Variants in KCNQ4 observed in about 807,000 individuals in gnomAD.
KCNQ4 encodes the protein potassium voltage-gated channel subfamily Q member 4, also known as potassium voltage-gated channel subfamily KQT member 4.
KCNQ4 carries 31 observed loss-of-function variants against 72.6 expected under a neutral mutation model. That is an observed-to-expected ratio of 0.43 (90% CI 0.32 to 0.58). The LOEUF (loss-of-function observed/expected upper bound fraction) is 0.58, where lower values mean the gene tolerates loss of function less well. KCNQ4 is among the 20% of genes least tolerant of loss of function. The probability of loss-of-function intolerance (pLI) is 0.08; values close to 1 mark genes in which losing one functional copy is unlikely to be tolerated. For synonymous variants in KCNQ4, 405 were observed against 403.7 expected (o/e 1.00, Z -0.04); for missense variants, 869 against 962.6 (o/e 0.90, Z 1.29).
chr1:40,837,633 C>G (rs748758931), intron 12 of KCNQ4, 32 bp from the exon 13 acceptor site: 2 of 1,605,736 alleles, frequency 1.2e-6, no homozygotes, highest in East Asian at 2.2e-5. Flanking sequence ...ACGGCGTGTC[C>G]CCGGGCCCTC....
Position 40,818,733 on chromosome 1 carries a change from C to T in KCNQ4, c.708+53C>T, listed in dbSNP as rs1199077376. The T allele has an allele frequency of 7.8e-6, 12 of 1,536,990 alleles. No individual in the cohort carries two copies. In the South Asian group the frequency reaches 9.4e-5, roughly 12 times the overall value. ...CCCGAGGGCGTGTCTGGGGCACGAC[C>T]AGAGCGGGCAGGGCGGAGAGGGCGA... On this transcript the variant is annotated intron_variant, in intron 4 of 13. Transcript: ENST00000347132.
rs1647346226 is a variant in KCNQ4 at position 40,794,257 on chromosome 1, G to C, written c.314+9850G>C. ...AGGGCCTTGATTGACAGGCTGTGGAGGTGGGCCTTACCCTGTGGGCAGTGG... is the reference window on the plus strand; with the variant it reads ...AGGGCCTTGATTGACAGGCTGTGGACGTGGGCCTTACCCTGTGGGCAGTGG... On this transcript the variant is annotated intron_variant, in intron 1 of 13. Coordinates refer to ENST00000347132, the MANE Select transcript of KCNQ4 (RefSeq NM_004700.4). The surrounding 1 kb of genome is among the most constrained non-coding windows in gnomAD (Gnocchi z 4.2). 6.6e-6 allele frequency among the ~76,000 whole-genome samples: 1 copy of C among 152,226 alleles called. No individual in the cohort carries two copies. The highest frequency in any genetic ancestry group is 1.5e-5 in the Non-Finnish European group (1 of 68,040).
intron 9 of KCNQ4, chr1:40,826,752 G>T: frequency 4.6e-6 from 2 of 435,644 alleles, no homozygotes; most frequent in South Asian, 3.2e-5. Flanking sequence ...CAATTTGGGG[G>T]CTGGAGAGGG....
At chr1:40,813,933 G>C (rs1475231816) in intron 1 of KCNQ4, among the ~76,000 whole-genome samples, 1 of 151,326 alleles carries the variant, frequency 6.6e-6, no homozygotes, top group Non-Finnish European at 1.5e-5. Flanking sequence ...ATTTTTAATA[G>C]AGACAGGGTT....
intron 12 of KCNQ4, among the ~76,000 whole-genome samples, chr1:40,837,145 T>G (rs1570856015): frequency 6.6e-6 from 1 of 151,492 alleles, no homozygotes; most frequent in South Asian, 2.1e-4. Context: ...TGGAGTGCAG[T>G]GGTGCAATCA....
intron 9 of KCNQ4, among the ~76,000 whole-genome samples, chr1:40,830,305 G>C (rs1254919938): frequency 6.6e-6 from 1 of 152,162 alleles, no homozygotes; most frequent in African/African-American, 2.4e-5. Context: ...CTAGAACCAT[G>C]GGGCCGAGGC....
In KCNQ4 at chr1:40,784,547, C is replaced by T. The variant is rs575644188; in HGVS notation, c.314+140C>T. 8.5e-6 allele frequency: 7 copies of T among 819,070 alleles called. No individual in the cohort carries two copies. Among genetic ancestry groups the T allele is most frequent in the African/African-American group, 5.0e-5 (3 of 59,462 alleles). 50.7% of individuals were successfully genotyped at this position (819,070 alleles called of 1,614,324 possible). On this transcript the variant is annotated intron_variant, in intron 1 of 13. Coordinates refer to ENST00000347132, the MANE Select transcript of KCNQ4 (RefSeq NM_004700.4). This position sits in a 1 kb window ranked among gnomAD's most constrained non-coding sequence, Gnocchi z 4.1. ...ATCTCTCTCCCCCCAGGCCTAAGCCCGGTTTCTGATCCCCTCGCTGAGCCC... is the reference window on the plus strand; with the variant it reads ...ATCTCTCTCCCCCCAGGCCTAAGCCTGGTTTCTGATCCCCTCGCTGAGCCC...
intron 9 of KCNQ4, chr1:40,826,557 C>T (rs1648483324): frequency 4.8e-6 from 2 of 418,802 alleles, no homozygotes; most frequent in Non-Finnish European, 1.0e-5. Flanking sequence ...GGAGGCCGGC[C>T]CCATCCCAGC....
At chr1:40,820,055 G>GC in intron 6 of KCNQ4, 70 bp downstream of exon 6, 1 of 1,521,596 alleles carries the variant, frequency 6.6e-7, no homozygotes. Context: ...TCACACATTT[G>GC]CCTGGGGAGC....
At chr1:40,832,972 G>T in intron 10 of KCNQ4, 42 bp from the exon 11 acceptor site, 3 of 1,439,926 alleles carry the variant, frequency 2.1e-6, no homozygotes, top group Non-Finnish European at 2.9e-6. Flanking sequence ...GGTTGGGAGT[G>T]GCCCCTTTGG....
chr1:40,811,654 G>A (rs896463900), intron 1 of KCNQ4, among the ~76,000 whole-genome samples: 3 of 152,190 alleles, frequency 2.0e-5, no homozygotes, highest in Admixed American at 6.5e-5. Context: ...ATGGGGAGAT[G>A]GGGGAAATGG....
At position 40,784,417 on chromosome 1, in the gene KCNQ4, C is replaced by A. The variant is rs369876991; in HGVS notation, c.314+10C>A. ...TCTACCACGTCTTCATGTGAGTTTG[C>A]GACCCCGCGCCCTTCCGCGTTTCCC... On this transcript the variant is annotated intron_variant, in intron 1 of 13. Coordinates refer to ENST00000347132, the MANE Select transcript of KCNQ4 (RefSeq NM_004700.4). The surrounding 1 kb of genome is among the most constrained non-coding windows in gnomAD (Gnocchi z 4.1). The A allele has an allele frequency of 8.7e-6, 14 of 1,605,362 alleles. No homozygotes were observed. The highest frequency in any genetic ancestry group is 1.2e-5 in the Non-Finnish European group (14 of 1,177,810).
At chr1:40,790,284 C>A (rs1373102450) in intron 1 of KCNQ4, among the ~76,000 whole-genome samples, 1 of 152,208 alleles carries the variant, frequency 6.6e-6, no homozygotes, top group Non-Finnish European at 1.5e-5. Context: ...AGATAAGGCA[C>A]CGAACACTGC....
Position 40,840,026 on chromosome 1 carries a change from G to A in KCNQ4, c.*1503G>A, listed in dbSNP as rs929207863. 2 of 152,312 alleles carry A rather than the reference G, an allele frequency of 1.3e-5. No homozygotes were observed. The highest frequency in any genetic ancestry group is 1.3e-4 in the Admixed American group (2 of 15,286). 9.4% of individuals were successfully genotyped at this position (152,312 alleles called of 1,614,324 possible). A position where few individuals can be genotyped will look rare whatever the true frequency, so the allele number is the denominator to read the frequency against. ...GCAAAGCCAATGCAGGTGGCAGGAAGGTGAGGGGTAGTGGACCAATGGCAA... is the reference window on the plus strand; with the variant it reads ...GCAAAGCCAATGCAGGTGGCAGGAAAGTGAGGGGTAGTGGACCAATGGCAA... On this transcript the variant is annotated 3_prime_UTR_variant, in exon 14 of 14. Coordinates refer to ENST00000347132, the MANE Select transcript of KCNQ4 (RefSeq NM_004700.4).
Position 40,819,895 on chromosome 1 carries a change from CTA to C in KCNQ4, c.857_858del (p.Tyr286TrpfsTer2). On this transcript the variant is annotated frameshift_variant, in exon 6 of 14. Coordinates refer to ENST00000347132, the MANE Select transcript of KCNQ4 (RefSeq NM_004700.4). LOFTEE classifies it high-confidence loss of function. ...WGTITLTTIG[Y>X]GDKTPHTWLG... ...TCCAGATTACATTGACAACCATCGG[CTA>C]TGGTGACAAGACACCGCACACATGG... The C allele has an allele frequency of 6.2e-7, 1 of 1,613,954 alleles. No individual in the cohort carries two copies. The highest frequency in any genetic ancestry group is 8.5e-7 in the Non-Finnish European group (1 of 1,179,808).
chr1:40,785,582 C>T (rs1166949805), intron 1 of KCNQ4, among the ~76,000 whole-genome samples: 1 of 152,090 alleles, frequency 6.6e-6, no homozygotes, highest in Non-Finnish European at 1.5e-5. Context: ...ACCCTTCCAC[C>T]TAACTGTCCG....
At position 40,833,054 on chromosome 1, in the gene KCNQ4, G is replaced by T; in HGVS notation, c.1554G>T (p.Gln518His). The change falls in exon 11 of 14, where the codon CAG becomes CAT. Residue 518 changes from glutamine to histidine, a missense_variant. Around this residue, in one of 5 missense-constraint regions of KCNQ4, gnomAD observed 480 missense variants for 501.9 expected, o/e 0.96. Coordinates refer to ENST00000347132, the MANE Select transcript of KCNQ4 (RefSeq NM_004700.4). ...AAGTAGCAGAGGAGAAGAGCTACCA[G>T]TGTGAGCTCACGGTGGACGACATCA... The part of the protein sequence containing the change: ...SEEVAEEKSY[Q>H]CELTVDDIMP... The T allele has an allele frequency of 6.2e-7, 1 of 1,613,600 alleles. No individual in the cohort carries two copies.
chr1:40,826,600 C>T (rs548328146), intron 9 of KCNQ4: 10 of 447,074 alleles, frequency 2.2e-5, no homozygotes, highest in East Asian at 7.1e-5. Context: ...GCCCCTTTCC[C>T]GCTAACCTCT....
At position 40,793,054 on chromosome 1, in the gene KCNQ4, T is replaced by C. The variant is rs1398721722; in HGVS notation, c.314+8647T>C. On this transcript the variant is annotated intron_variant, in intron 1 of 13. Transcript: ENST00000347132. ...CAGGGCCTCACTCTGTCACCCACGC[T>C]GGAGTGCATGATCACTATGATCACT... Among the ~76,000 whole-genome samples the C allele has an allele frequency of 2.1e-5, 3 of 141,450 alleles. No individual in the cohort carries two copies. The Admixed American group carries it at 2.2e-4, about 10-fold the overall frequency. 92.8% of individuals were successfully genotyped at this position (141,450 alleles called of 152,430 possible). A position where few individuals can be genotyped will look rare whatever the true frequency, so the allele number is the denominator to read the frequency against.
Sources: allele counts gnomAD v4.1 joint callset (sites outside exome capture counted in the v4.1 genomes callset), GRCh38; gene constraint gnomAD v4.1.1; regional missense constraint gnomAD v4.1.1; non-coding constraint Gnocchi (gnomAD v3.1); transcripts MANE v1.5; gene names NCBI Gene and HGNC (gene_info 2026-07-23, HGNC 2026-07-21).